Variants in ZFP64 observed in about 807,000 individuals in gnomAD.
The protein encoded by ZFP64 is ZFP64 zinc finger protein.
ZFP64 carries 14 observed loss-of-function variants against 51.6 expected under a neutral mutation model. The ratio of observed to expected loss-of-function variants is 0.27; its 90% CI spans 0.18 to 0.42. ZFP64 has a LOEUF of 0.42. Among genes scored for constraint, ZFP64 ranks in the 10% least tolerant of loss-of-function variants. The pLI is 1.00. For missense variants in ZFP64, 754 were observed against 906.8 expected (o/e 0.83, Z 2.16); for synonymous variants, 375 against 361.4 (o/e 1.04, Z -0.43).
At chr20:52,126,283 C>T (rs1011031347) in intron 5 of ZFP64, among the ~76,000 whole-genome samples, 1 of 152,152 alleles carries the variant, frequency 6.6e-6, no homozygotes. Flanking sequence ...GAAGAAGAAA[C>T]TGAAATTCGG....
chr20:52,107,983 T>G (rs1205195831), intron 5 of ZFP64, among the ~76,000 whole-genome samples: 1 of 152,222 alleles, frequency 6.6e-6, no homozygotes, highest in Non-Finnish European at 1.5e-5. Context: ...TCTGGCACTT[T>G]GGGAAGCTGA....
chr20:52,105,943 G>T (rs1156366512), intron 5 of ZFP64, among the ~76,000 whole-genome samples: 2 of 152,156 alleles, frequency 1.3e-5, no homozygotes, highest in Non-Finnish European at 2.9e-5. Context: ...TCCACTCCTG[G>T]TTCTCAACCC....
At position 52,191,593 on chromosome 20, in the gene ZFP64, T is replaced by C. The variant is rs762374368; in HGVS notation, c.44A>G (p.Gln15Arg). 3.0e-5 allele frequency: 47 copies of C among 1,588,302 alleles called. No individual in the cohort carries two copies. Among genetic ancestry groups the C allele is most frequent in the Non-Finnish European group, 4.0e-5 (47 of 1,170,522 alleles). Reference sequence around the variant, plus strand: ...ACTGCTCCCGGAAAAGCACTTACTTTGCACCGAGCCCGCGAAGCTCTCGCC... The same window carrying C: ...ACTGCTCCCGGAAAAGCACTTACTTCGCACCGAGCCCGCGAAGCTCTCGCC... Reference protein sequence around the residue: ...SEGESFAGSVQIPGGTTVLVE... With the variant: ...SEGESFAGSVRIPGGTTVLVE... Residue 15 changes from glutamine (Q) to arginine (R), a missense_variant and splice_region_variant, in exon 1 of 6, where the codon CAA (glutamine) becomes CGA (arginine). Transcript: ENST00000216923. This position sits in a 1 kb window ranked among gnomAD's most constrained non-coding sequence, Gnocchi z 4.3.
chr20:52,137,678 T>C (rs1288311725), intron 5 of ZFP64, among the ~76,000 whole-genome samples: 1 of 152,110 alleles, frequency 6.6e-6, no homozygotes, highest in Non-Finnish European at 1.5e-5. Context: ...AGACATACCA[T>C]AGGGCAAAAC....
intron 5 of ZFP64, among the ~76,000 whole-genome samples, chr20:52,109,625 A>G (rs1188582200): frequency 6.6e-6 from 1 of 151,870 alleles, no homozygotes; most frequent in Non-Finnish European, 1.5e-5. Flanking sequence ...CTAAAAATAA[A>G]TAAAAATTAG....
chr20:52,147,615 G>A (rs369416895), downstream of ZFP64, among the ~76,000 whole-genome samples: 1 of 152,026 alleles, frequency 6.6e-6, no homozygotes, highest in African/African-American at 2.4e-5. Context: ...TCATTACTGA[G>A]AATTTTTCTT....
downstream of ZFP64, among the ~76,000 whole-genome samples, chr20:52,147,242 C>G (rs1980571045): frequency 1.3e-5 from 2 of 152,078 alleles, no homozygotes; most frequent in Non-Finnish European, 2.9e-5. Flanking sequence ...CACTCTGTCA[C>G]CCAGGCTGGA....
chr20:52,124,667 T>C (rs1423254106), intron 5 of ZFP64, among the ~76,000 whole-genome samples: 1 of 152,050 alleles, frequency 6.6e-6, no homozygotes, highest in African/African-American at 2.4e-5. Flanking sequence ...TGGAGTACAG[T>C]GGTGCAATCA....
chr20:52,129,585 T>C (rs1042139436), intron 5 of ZFP64, among the ~76,000 whole-genome samples: 3 of 152,188 alleles, frequency 2.0e-5, no homozygotes, highest in Non-Finnish European at 2.9e-5. Flanking sequence ...CACTCCTCCG[T>C]TCTTTGTCTT....
chr20:52,127,969 CG>C (rs1178155880), intron 5 of ZFP64, among the ~76,000 whole-genome samples: 2 of 151,962 alleles, frequency 1.3e-5, no homozygotes, highest in Non-Finnish European at 2.9e-5. Context: ...ATTTTTTTCC[CG>C]GGTCTGTGGG....
At chr20:52,156,695 G>A (rs1003193961) in intron 5 of ZFP64, among the ~76,000 whole-genome samples, 8 of 152,330 alleles carry the variant, frequency 5.3e-5, no homozygotes, top group East Asian at 3.9e-4. Context: ...AAAGGGTGAC[G>A]CTGTAACAGA....
chr20:52,113,336 AAAAGAAAGAAAG>A (rs137886019), intron 5 of ZFP64, among the ~76,000 whole-genome samples: 19 of 147,502 alleles, frequency 1.3e-4, no homozygotes, highest in African/African-American at 2.8e-4. Context: ...TCCGCCTCAA[AAAAGAAAGAAAG>A]AAAGAAAGAA....
At chr20:52,092,199 C>A (rs527741322) in intron 7 of ZFP64, among the ~76,000 whole-genome samples, 1 of 152,260 alleles carries the variant, frequency 6.6e-6, no homozygotes, top group South Asian at 2.1e-4. Flanking sequence ...AGAGAGGATA[C>A]CAACAGATCA....
In ZFP64 at chr20:52,165,982, G is replaced by C. The variant is rs1218864581; in HGVS notation, c.330C>G (p.Tyr110Ter). 6.2e-7 allele frequency: 1 copy of C among 1,613,516 alleles called. No homozygotes were observed. The highest frequency in any genetic ancestry group is 2.2e-5 in the East Asian group (1 of 44,880). Residue 110 changes from tyrosine to a stop codon, truncating the protein, a stop_gained, in exon 3 of 6, where the codon TAC becomes TAG. Coordinates refer to ENST00000216923, the MANE Select transcript of ZFP64 (RefSeq NM_018197.3). LOFTEE classifies it high-confidence loss of function. The stretch of plus-strand genomic sequence containing the variant: ...GGTTTTCATTACTTTCCGTGGGCAG[G>C]TAAGTTTGATAGCCATGTTCAAAAA... The part of the protein sequence containing the change: ...EFVFEHGYQT[Y>*]LPTESNENQT...
intron 2 of ZFP64, chr20:52,176,117 T>C: frequency 4.1e-6 from 1 of 242,118 alleles, no homozygotes; most frequent in Non-Finnish European, 6.6e-6. Context: ...AATTGAATCC[T>C]GCAGCCAGGC....
chr20:52,113,763 T>A (rs564835955), intron 5 of ZFP64, among the ~76,000 whole-genome samples: 23 of 152,208 alleles, frequency 1.5e-4, no homozygotes, highest in Admixed American at 1.2e-3. Context: ...TTGAGCCCAC[T>A]TTATTGCCTG....
At chr20:52,124,425 T>C (rs2122861161) in intron 5 of ZFP64, among the ~76,000 whole-genome samples, 1 of 152,268 alleles carries the variant, frequency 6.6e-6, no homozygotes, top group Admixed American at 6.5e-5. Context: ...TGAATTTTTT[T>C]TACCCTGTGC....
At chr20:52,110,008 C>G (rs1978473221) in intron 5 of ZFP64, among the ~76,000 whole-genome samples, 1 of 151,856 alleles carries the variant, frequency 6.6e-6, no homozygotes, top group African/African-American at 2.4e-5. Context: ...TTTTTCTTTT[C>G]CACTTAACCA....
chr20:52,168,479 C>T (rs970250303), intron 2 of ZFP64, among the ~76,000 whole-genome samples: 1 of 152,206 alleles, frequency 6.6e-6, no homozygotes, highest in African/African-American at 2.4e-5. Context: ...ATTTTTTGGG[C>T]CCCATCTCAG....
Sources: allele counts gnomAD v4.1 joint callset (sites outside exome capture counted in the v4.1 genomes callset), GRCh38; gene constraint gnomAD v4.1.1; non-coding constraint Gnocchi (gnomAD v3.1); transcripts MANE v1.5; gene names NCBI Gene and HGNC (gene_info 2026-07-23, HGNC 2026-07-21).